The following CAMK1D variants were observed in gnomAD, a reference collection of about 807,000 sequenced individuals.
The protein encoded by CAMK1D is calcium/calmodulin dependent protein kinase ID.
A neutral mutation model predicts 47.7 loss-of-function variants in CAMK1D; 9 were observed. That is an observed-to-expected ratio of 0.19 (90% CI 0.11 to 0.33). The LOEUF is 0.33. Ranked by LOEUF, CAMK1D falls within the 10% of genes least tolerant of loss-of-function variation. The pLI is 1.00. For missense variants in CAMK1D, 291 were observed against 488.7 expected (o/e 0.60, Z 3.81); for synonymous variants, 184 against 184.9 (o/e 0.99, Z 0.04).
chr10:12,494,192 G>C (rs1834468566), intron 1 of CAMK1D, among the ~76,000 whole-genome samples: 1 of 152,144 alleles, frequency 6.6e-6, no homozygotes, highest in Non-Finnish European at 1.5e-5. Flanking sequence ...AAAAATCTTA[G>C]CCATTTATAT....
At chr10:12,683,073 C>T (rs926100602) in intron 3 of CAMK1D, among the ~76,000 whole-genome samples, 7 of 149,114 alleles carry the variant, frequency 4.7e-5, no homozygotes, top group African/African-American at 1.7e-4. Context: ...AGGTGCATGC[C>T]ACCTCACCCA....
intron 1 of CAMK1D, among the ~76,000 whole-genome samples, chr10:12,459,594 C>T (rs891319717): frequency 1.3e-5 from 2 of 152,224 alleles, no homozygotes; most frequent in Middle Eastern, 3.4e-3. Flanking sequence ...AATCCCAGGG[C>T]GATAGCTCCA....
chr10:12,695,572 C>T (rs1028704040), intron 3 of CAMK1D, among the ~76,000 whole-genome samples: 1 of 152,166 alleles, frequency 6.6e-6, no homozygotes, highest in Non-Finnish European at 1.5e-5. Context: ...TACTATTTCA[C>T]ATCACGTAAA....
rs760154531 is a variant in CAMK1D, at chr10:12,493,226, G to A, written c.93-59999G>A. On this transcript the variant is annotated intron_variant, in intron 1 of 10. Coordinates refer to ENST00000619168, the MANE Select transcript of CAMK1D (RefSeq NM_153498.4). The stretch of plus-strand genomic sequence containing the variant: ...CCTATAAGAAGTGGTGTTGTGGCTA[G>A]CGAATGATTTCTATAAGGGTTGAGG... Among the ~76,000 whole-genome samples the A allele has an allele frequency of 5.9e-5, 9 of 152,306 alleles. 1 individual carries two copies. Among genetic ancestry groups the A allele is most frequent in the Admixed American group, 5.2e-4 (8 of 15,298 alleles).
intron 1 of CAMK1D, among the ~76,000 whole-genome samples, chr10:12,379,903 G>A (rs1368317520): frequency 1.3e-5 from 2 of 151,900 alleles, no homozygotes; most frequent in African/African-American, 4.8e-5. Context: ...TAAATCTTTT[G>A]GGAGGACTTT....
chr10:12,450,048 T>C (rs1833038795), intron 1 of CAMK1D, among the ~76,000 whole-genome samples: 1 of 147,856 alleles, frequency 6.8e-6, no homozygotes, highest in Non-Finnish European at 1.5e-5. Context: ...CATCTTGATG[T>C]TACACCCATA....
intron 2 of CAMK1D, among the ~76,000 whole-genome samples, chr10:12,602,425 C>G (rs1488371174): frequency 6.6e-6 from 1 of 152,156 alleles, no homozygotes; most frequent in African/African-American, 2.4e-5. Flanking sequence ...GGAAATCTCT[C>G]ACCGATGACT....
At chr10:12,402,641 A>G (rs898245386) in intron 1 of CAMK1D, among the ~76,000 whole-genome samples, 10 of 152,156 alleles carry the variant, frequency 6.6e-5, no homozygotes, top group Non-Finnish European at 2.9e-5. Flanking sequence ...TAGGGATTCC[A>G]GTTAAATTGC....
chr10:12,529,471 C>T (rs1394670221), intron 1 of CAMK1D, among the ~76,000 whole-genome samples: 1 of 152,208 alleles, frequency 6.6e-6, no homozygotes, highest in African/African-American at 2.4e-5. Flanking sequence ...AATAATTATA[C>T]TGGGATTGTT....
At chr10:12,525,284 A>C (rs1835583606) in intron 1 of CAMK1D, among the ~76,000 whole-genome samples, 1 of 152,170 alleles carries the variant, frequency 6.6e-6, no homozygotes, top group South Asian at 2.1e-4. Context: ...ATACATGGGA[A>C]GTTTTCAGCC....
chr10:12,505,163 G>A (rs868303524), intron 1 of CAMK1D, among the ~76,000 whole-genome samples: 17 of 152,148 alleles, frequency 1.1e-4, no homozygotes, highest in Middle Eastern at 3.2e-3. Flanking sequence ...GAAGCCGTCC[G>A]TGTGAGCAGT....
chr10:12,654,064 T>G (rs75120082), intron 2 of CAMK1D, among the ~76,000 whole-genome samples: 33,563 of 152,162 alleles, frequency 0.22, 4,286 homozygotes, highest in South Asian at 0.29. Flanking sequence ...CATTATTTTG[T>G]TTCCCTTCCA....
At chr10:12,617,149 T>C (rs946928448) in intron 2 of CAMK1D, among the ~76,000 whole-genome samples, 2 of 152,186 alleles carry the variant, frequency 1.3e-5, no homozygotes, top group Non-Finnish European at 2.9e-5. Context: ...AAGAAAGTTA[T>C]TAGTTGCAAA....
chr10:12,789,365 CAAACA>C (rs1653864134), intron 5 of CAMK1D, among the ~76,000 whole-genome samples: 1 of 152,202 alleles, frequency 6.6e-6, no homozygotes, highest in Admixed American at 6.5e-5. Flanking sequence ...CTCACCTTAG[CAAACA>C]GTACGTTTGA....
intron 1 of CAMK1D, among the ~76,000 whole-genome samples, chr10:12,467,078 G>A (rs980612441): frequency 4.6e-5 from 7 of 151,886 alleles, no homozygotes; most frequent in African/African-American, 1.5e-4. Flanking sequence ...TACGTGGCCC[G>A]CAGAAGGAAT....
At chr10:12,608,358 C>T (rs1476514365) in intron 2 of CAMK1D, among the ~76,000 whole-genome samples, 1 of 152,236 alleles carries the variant, frequency 6.6e-6, no homozygotes, top group African/African-American at 2.4e-5. Flanking sequence ...GCGGAGGTTA[C>T]AGTGAGCCGA....
intron 1 of CAMK1D, among the ~76,000 whole-genome samples, chr10:12,501,432 A>G (rs1834699807): frequency 6.6e-6 from 1 of 152,202 alleles, no homozygotes; most frequent in African/African-American, 2.4e-5. Context: ...GCGTGTGCTC[A>G]GCGCTGTTCT....
At chr10:12,559,312 ATAT>A (rs1400369424) in intron 2 of CAMK1D, among the ~76,000 whole-genome samples, 2 of 152,094 alleles carry the variant, frequency 1.3e-5, no homozygotes, top group Non-Finnish European at 2.9e-5. Flanking sequence ...AAAAACAAAA[ATAT>A]TATGCTGATG....
At chr10:12,419,327 A>G (rs1434198125) in intron 1 of CAMK1D, among the ~76,000 whole-genome samples, 1 of 152,076 alleles carries the variant, frequency 6.6e-6, no homozygotes, top group African/African-American at 2.4e-5. Flanking sequence ...GGGCCACGGA[A>G]CTCAAAGTTC....
Sources: allele counts gnomAD v4.1 joint callset (sites outside exome capture counted in the v4.1 genomes callset), GRCh38; gene constraint gnomAD v4.1.1; transcripts MANE v1.5; gene names NCBI Gene and HGNC (gene_info 2026-07-23, HGNC 2026-07-21).